Variants in CD86 observed in about 807,000 individuals in gnomAD.
CD86 encodes CD86 molecule, also known as T-lymphocyte activation antigen CD86.
Under a neutral mutation model 32.1 loss-of-function variants are expected in CD86, and 11 were observed. The observed-to-expected ratio is 0.34, with a 90% confidence interval of 0.22 to 0.57. The LOEUF (loss-of-function observed/expected upper bound fraction) is 0.57. Ranked by LOEUF, CD86 falls within the 20% of genes least tolerant of loss-of-function variation. The pLI, the probability that CD86 is intolerant of heterozygous loss-of-function variation, is 0.86. For synonymous variants in CD86, 137 were observed against 135.3 expected, an observed-to-expected ratio of 1.01 and a Z score of -0.09; for missense variants, 359 against 398.4, an observed-to-expected ratio of 0.90 and a Z score of 0.84.
chr3:122,077,070 G>A (rs1370212208), intron 1 of CD86, among the ~76,000 whole-genome samples: 1 of 152,208 alleles, frequency 6.6e-6, no homozygotes, highest in Non-Finnish European at 1.5e-5. Flanking sequence ...CAAGAGATCA[G>A]GGAGGCATGC....
intron 1 of CD86, among the ~76,000 whole-genome samples, chr3:122,084,795 A>C (rs2072689564): frequency 6.6e-6 from 1 of 152,176 alleles, no homozygotes; most frequent in Non-Finnish European, 1.5e-5. Flanking sequence ...TTCTATGGTC[A>C]AACAGGTCAC....
intron 1 of CD86, among the ~76,000 whole-genome samples, chr3:122,067,863 A>G (rs529149030): frequency 6.6e-6 from 1 of 152,220 alleles, no homozygotes; most frequent in Non-Finnish European, 1.5e-5. Flanking sequence ...GTGTGGTGGC[A>G]GACCCTTCAA....
At chr3:122,061,856 A>C (rs1272401049) in intron 1 of CD86, among the ~76,000 whole-genome samples, 2 of 152,174 alleles carry the variant, frequency 1.3e-5, no homozygotes, top group Non-Finnish European at 2.9e-5. Flanking sequence ...GATCCCAGAG[A>C]AATAAAAGCC....
chr3:122,117,252 T>A (rs1381656944), intron 5 of CD86, among the ~76,000 whole-genome samples: 1 of 152,216 alleles, frequency 6.6e-6, no homozygotes, highest in African/African-American at 2.4e-5. Flanking sequence ...GTCCATTATA[T>A]CATTCTTATG....
chr3:122,101,495 G>GAAAAAAAAAAA (rs72402574), intron 2 of CD86, among the ~76,000 whole-genome samples: 1 of 53,402 alleles, frequency 1.9e-5, no homozygotes, highest in African/African-American at 6.5e-5. Context: ...AGGCTCTACA[G>GAAAAAAAAAAA]AAAAAAAAAA....
intron 1 of CD86, among the ~76,000 whole-genome samples, chr3:122,078,685 G>A (rs1298007478): frequency 6.6e-6 from 1 of 152,152 alleles, no homozygotes; most frequent in Non-Finnish European, 1.5e-5. Flanking sequence ...TTTCACATAC[G>A]GTGAACCTAT....
intron 1 of CD86, chr3:122,078,184 C>A: frequency 2.7e-6 from 1 of 373,220 alleles, no homozygotes; most frequent in Non-Finnish European, 3.7e-6. Flanking sequence ...CTTAAAACCT[C>A]TGACCATCAG....
intron 4 of CD86, among the ~76,000 whole-genome samples, chr3:122,106,840 G>GCGCACACACACACACA (rs1553754159): frequency 1.4e-5 from 2 of 143,476 alleles, no homozygotes; most frequent in African/African-American, 5.2e-5. Context: ...ACATGCGCTT[G>GCGCACACACACACACA]CACACACACA....
chr3:122,104,090 T>C (rs1036072838), intron 3 of CD86, among the ~76,000 whole-genome samples: 2 of 152,102 alleles, frequency 1.3e-5, no homozygotes, highest in African/African-American at 4.8e-5. Context: ...AAAATCTGCT[T>C]TGGGGAAAAA....
At chr3:122,078,973 G>A (rs2072592662) in intron 1 of CD86, among the ~76,000 whole-genome samples, 1 of 152,152 alleles carries the variant, frequency 6.6e-6, no homozygotes. Flanking sequence ...GCTATCCTGT[G>A]TATAATGGAA....
intron 1 of CD86, among the ~76,000 whole-genome samples, chr3:122,071,694 C>G (rs1236843385): frequency 6.6e-6 from 1 of 151,948 alleles, no homozygotes; most frequent in Non-Finnish European, 1.5e-5. Context: ...AACTATATCC[C>G]AAAGTAGTTT....
At chr3:122,096,565 T>C (rs2072911659) in intron 2 of CD86, among the ~76,000 whole-genome samples, 1 of 152,218 alleles carries the variant, frequency 6.6e-6, no homozygotes, top group Non-Finnish European at 1.5e-5. Flanking sequence ...AATTAATGCT[T>C]ACCACAGGCC....
intron 2 of CD86, among the ~76,000 whole-genome samples, chr3:122,093,841 G>A (rs1201044293): frequency 1.3e-5 from 2 of 152,202 alleles, no homozygotes; most frequent in African/African-American, 2.4e-5. Context: ...AGCCCAGAGA[G>A]ATGAAGTAAT....
chr3:122,112,700 T>G (rs1259189171), intron 5 of CD86, among the ~76,000 whole-genome samples: 2 of 152,228 alleles, frequency 1.3e-5, no homozygotes, highest in African/African-American at 4.8e-5. Flanking sequence ...CTGCTTTCAT[T>G]TTTTTGACAG....
chr3:122,083,163 A>C (rs2072657764), intron 1 of CD86, among the ~76,000 whole-genome samples: 1 of 152,238 alleles, frequency 6.6e-6, no homozygotes, highest in Non-Finnish European at 1.5e-5. Context: ...GTCTTCCTGC[A>C]TCTGTCCTGG....
chr3:122,073,054 T>C (rs1490289202), intron 1 of CD86, among the ~76,000 whole-genome samples: 1 of 151,352 alleles, frequency 6.6e-6, no homozygotes, highest in Non-Finnish European at 1.5e-5. Context: ...TATGCGGCCT[T>C]ATTTCTGAGG....
At chr3:122,109,491 C>A in intron 5 of CD86, 83 bp downstream of exon 5, 2 of 1,519,574 alleles carry the variant, frequency 1.3e-6, no homozygotes, top group Non-Finnish European at 9.1e-7. Context: ...AGCTTGTTGG[C>A]TGAGCCTAGA....
At chr3:122,065,476 G>A (rs1219361893) in intron 1 of CD86, among the ~76,000 whole-genome samples, 2 of 152,206 alleles carry the variant, frequency 1.3e-5, no homozygotes, top group African/African-American at 4.8e-5. Flanking sequence ...TAGATTTCCA[G>A]CTCTTCTGGA....
chr3:122,090,748 G>A (rs570781952), intron 1 of CD86, among the ~76,000 whole-genome samples: 1 of 152,298 alleles, frequency 6.6e-6, no homozygotes, highest in South Asian at 2.1e-4. Context: ...TGCGTGGGTA[G>A]TGAAGGAGGG....
Sources: allele counts gnomAD v4.1 joint callset (sites outside exome capture counted in the v4.1 genomes callset), GRCh38; gene constraint gnomAD v4.1.1; transcripts MANE v1.5; gene names NCBI Gene and HGNC (gene_info 2026-07-23, HGNC 2026-07-21).